SRSF4: variants seen among roughly 807,000 people sequenced by gnomAD.
SRSF4 encodes serine and arginine rich splicing factor 4.
SRSF4 carries 12 observed loss-of-function variants against 48.8 expected under a neutral mutation model. That is an observed-to-expected ratio of 0.25 (90% CI 0.16 to 0.40). The LOEUF (loss-of-function observed/expected upper bound fraction) is 0.40, where lower values mean the gene tolerates loss of function less well. Among genes scored for constraint, SRSF4 ranks in the 10% least tolerant of loss-of-function variants. SRSF4 has a pLI of 1.00. For synonymous variants in SRSF4, 248 were observed against 232.5 expected, an observed-to-expected ratio of 1.07 and a Z score of -0.61; for missense variants, 466 against 667.1, an observed-to-expected ratio of 0.70 and a Z score of 3.32.
intron 1 of SRSF4, among the ~76,000 whole-genome samples, chr1:29,161,392 TA>T (rs35690193): frequency 0.68 from 103,931 of 152,070 alleles, 37,071 homozygotes; most frequent in Non-Finnish European, 0.8. Flanking sequence ...TGCCTATATT[TA>T]AAAACCAAAA....
At chr1:29,164,790 A>G (rs1490611593) in intron 1 of SRSF4, among the ~76,000 whole-genome samples, 1 of 152,224 alleles carries the variant, frequency 6.6e-6, no homozygotes, top group African/African-American at 2.4e-5. Context: ...CCCTATGCAT[A>G]TGAAAGAATA....
At chr1:29,178,812 G>A (rs947868122) in intron 1 of SRSF4, among the ~76,000 whole-genome samples, 5 of 152,100 alleles carry the variant, frequency 3.3e-5, no homozygotes, top group Non-Finnish European at 7.4e-5. Context: ...CAGCGTTTTT[G>A]CCATACAGGC....
Position 29,173,209 on chromosome 1 carries a change from C to G in SRSF4, c.107+8437G>C, listed in dbSNP as rs1031408186. 7 of 134,456 alleles carry G rather than the reference C, an allele frequency of 5.2e-5. No individual in the cohort carries two copies. In the South Asian group the frequency reaches 1.6e-3, roughly 32 times the overall value. 8.3% of individuals were successfully genotyped at this position (134,456 alleles called of 1,614,324 possible). On this transcript the variant is annotated intron_variant, in intron 1 of 5. Coordinates refer to ENST00000373795, the MANE Select transcript of SRSF4 (RefSeq NM_005626.5). Reference sequence around the variant, plus strand: ...CTGGAGTGCAGTGGTGCGATCTCGGCTCACTGCAAGCTCAGCCTCCCGGGT... The same window carrying G: ...CTGGAGTGCAGTGGTGCGATCTCGGGTCACTGCAAGCTCAGCCTCCCGGGT...
intron 1 of SRSF4, among the ~76,000 whole-genome samples, chr1:29,161,747 C>T (rs1288699579): frequency 2.0e-5 from 3 of 152,192 alleles, no homozygotes; most frequent in Non-Finnish European, 4.4e-5. Flanking sequence ...TACAGGCGCA[C>T]GCCCCCATGC....
chr1:29,148,128 G>A lies in SRSF4; in HGVS notation c.*282C>T, dbSNP rs1446171003. On this transcript the variant is annotated 3_prime_UTR_variant, in exon 6 of 6. Transcript: ENST00000373795. ...AGCCGTCCAGGTTACTGAGCTCCCT[G>A]TAGGAAAGGCCAGGCCTGAAAGCCA... 1.7e-6 allele frequency: 1 copy of A among 578,698 alleles called. No individual in the cohort carries two copies. The highest frequency in any genetic ancestry group is 4.0e-5 in the East Asian group (1 of 25,040). 35.8% of individuals were successfully genotyped at this position (578,698 alleles called of 1,614,324 possible).
chr1:29,179,740 C>T (rs1672925723), intron 1 of SRSF4, among the ~76,000 whole-genome samples: 1 of 152,194 alleles, frequency 6.6e-6, no homozygotes, highest in African/African-American at 2.4e-5. Flanking sequence ...GCAAATCATT[C>T]CAAGTTTTAC....
chr1:29,167,616 C>T (rs1349602319), intron 1 of SRSF4, among the ~76,000 whole-genome samples: 1 of 152,188 alleles, frequency 6.6e-6, no homozygotes, highest in Non-Finnish European at 1.5e-5. Context: ...AACTCCTGAC[C>T]TTGTGATATG....
At position 29,154,830 on chromosome 1, in the gene SRSF4, T is replaced by C. The variant is rs1672472901; in HGVS notation, c.444A>G (p.Val148=). 1 of 1,614,178 alleles carries C rather than the reference T, an allele frequency of 6.2e-7. No individual in the cohort carries two copies. Among genetic ancestry groups the C allele is most frequent in the Middle Eastern group, 1.6e-4 (1 of 6,062 alleles). ...AAGCTCTTTTCATATCAGAATAAGATACAAATTCAATCACCCCTTCATTTT... is the reference window on the plus strand; with the variant it reads ...AAGCTCTTTTCATATCAGAATAAGACACAAATTCAATCACCCCTTCATTTT... ...GRKNEGVIEF[V]SYSDMKRALE... Residue 148 remains valine, a synonymous_variant, in exon 4 of 6, where the codon GTA becomes GTG. Coordinates refer to ENST00000373795, the MANE Select transcript of SRSF4 (RefSeq NM_005626.5).
chr1:29,156,602 GA>G (rs1163694783), intron 3 of SRSF4, among the ~76,000 whole-genome samples: 5 of 152,154 alleles, frequency 3.3e-5, no homozygotes, highest in Non-Finnish European at 7.3e-5. Flanking sequence ...CTTAGTGGCA[GA>G]ACCAGGATTC....
intron 1 of SRSF4, among the ~76,000 whole-genome samples, chr1:29,176,615 C>G (rs1220427605): frequency 6.6e-6 from 1 of 152,136 alleles, no homozygotes; most frequent in African/African-American, 2.4e-5. Context: ...AGAAAAATCC[C>G]TGTGTAGGTG....
chr1:29,153,824 C>T (rs1672454313), intron 4 of SRSF4, among the ~76,000 whole-genome samples: 1 of 152,052 alleles, frequency 6.6e-6, no homozygotes, highest in Non-Finnish European at 1.5e-5. Flanking sequence ...TGGTCTCGAA[C>T]TCCTGACCTC....
Position 29,148,671 on chromosome 1 carries a change from G to A in SRSF4, c.1224C>T (p.Ser408=). The A allele has an allele frequency of 1.2e-6, 2 of 1,614,148 alleles. No individual in the cohort carries two copies. The highest frequency in any genetic ancestry group is 2.2e-5 in the South Asian group (2 of 91,072). ...DTDRSQSRSP[S]RSVSKEREHA... ...GTTCCCGCTCCTTTGACACGGAGCG[G>A]GATGGAGATCTGGACTGGGAGCGGT... Residue 408 remains serine, a synonymous_variant, in exon 6 of 6, where the codon TCC becomes TCT. Transcript: ENST00000373795.
At chr1:29,171,636 G>A (rs1414054421) in intron 1 of SRSF4, 1 of 151,958 alleles carries the variant, frequency 6.6e-6, no homozygotes, top group Non-Finnish European at 1.5e-5. Flanking sequence ...TTACAAATTT[G>A]TAAGTATCAC....
At chr1:29,152,118 A>C (rs766933996) in intron 4 of SRSF4, among the ~76,000 whole-genome samples, 4 of 152,134 alleles carry the variant, frequency 2.6e-5, no homozygotes, top group African/African-American at 4.8e-5. Flanking sequence ...TTTCTACAAC[A>C]AACAAACAAC....
chr1:29,181,790 C>T lies in SRSF4; in HGVS notation c.-38G>A, dbSNP rs773933379. ...AGTGATGGCTGGCCCCGGCCCCAGC[C>T]CCCCTTAGGCGGCGGCGGGCAAAGC... On this transcript the variant is annotated 5_prime_UTR_variant, in exon 1 of 6. Transcript: ENST00000373795. The T allele has an allele frequency of 6.6e-7, 1 of 1,510,952 alleles. No homozygotes were observed. Among genetic ancestry groups the T allele is most frequent in the Non-Finnish European group, 8.8e-7 (1 of 1,131,468 alleles). The allele number at this position is 1,510,952 out of a possible 1,614,324, so 93.6% of individuals were successfully genotyped here. A position where few individuals can be genotyped will look rare whatever the true frequency, so the allele number is the denominator to read the frequency against.
rs1349647666 is a variant in SRSF4, at chr1:29,148,920, C to A, written c.975G>T (p.Lys325Asn). 1.2e-6 allele frequency: 2 copies of A among 1,612,438 alleles called. No individual in the cohort carries two copies. Among genetic ancestry groups the A allele is most frequent in the Non-Finnish European group, 1.7e-6 (2 of 1,179,506 alleles). ...GSVSRGRSQEKSLRQSRSRSR... is the reference protein window; with the variant it reads ...GSVSRGRSQENSLRQSRSRSR... ...TCCGGCTCCGACTCTGGCGGAGGCT[C>A]TTCTCCTGGCTCCTGCCCCTGCTCA... Residue 325 changes from lysine to asparagine, a missense_variant, in exon 6 of 6, where the codon AAG (lysine) becomes AAT (asparagine). Physicochemically the swap from Lys to Asn is moderately conservative, Grantham distance 94. Around this residue, in one of 2 missense-constraint regions of SRSF4, gnomAD observed 402 missense variants for 437.0 expected, o/e 0.92. Transcript: ENST00000373795.
chr1:29,155,657 GATT>G (rs1342239601), intron 3 of SRSF4, among the ~76,000 whole-genome samples: 1 of 151,982 alleles, frequency 6.6e-6, no homozygotes, highest in Non-Finnish European at 1.5e-5. Context: ...ATACCCAGCT[GATT>G]TTTTGTGTTT....
intron 3 of SRSF4, among the ~76,000 whole-genome samples, chr1:29,155,847 C>A (rs1438016420): frequency 6.6e-6 from 1 of 152,188 alleles, no homozygotes; most frequent in African/African-American, 2.4e-5. Flanking sequence ...CATGTCCCTT[C>A]AATACCACAG....
intron 4 of SRSF4, among the ~76,000 whole-genome samples, chr1:29,151,850 G>T (rs1474876844): frequency 1.3e-5 from 2 of 152,230 alleles, no homozygotes; most frequent in African/African-American, 4.8e-5. Flanking sequence ...TGTACAGTGT[G>T]CTTGTATAAA....
Sources: allele counts gnomAD v4.1 joint callset (sites outside exome capture counted in the v4.1 genomes callset), GRCh38; gene constraint gnomAD v4.1.1; regional missense constraint gnomAD v4.1.1; transcripts MANE v1.5; gene names NCBI Gene and HGNC (gene_info 2026-07-23, HGNC 2026-07-21).